CREB5: variants seen among roughly 807,000 people sequenced by gnomAD.
CREB5 encodes the protein cyclic AMP-responsive element-binding protein 5.
Under a neutral mutation model 57.1 loss-of-function variants are expected in CREB5, and 19 were observed. The ratio of observed to expected loss-of-function variants is 0.33; its 90% CI spans 0.23 to 0.49. The LOEUF (loss-of-function observed/expected upper bound fraction) is 0.49, where lower values mean the gene tolerates loss of function less well. CREB5 is among the 20% of genes least tolerant of loss of function. The pLI is 0.99. For missense variants in CREB5, 579 were observed against 671.6 expected, an observed-to-expected ratio of 0.86 and a Z score of 1.52; for synonymous variants, 238 against 238.3, an observed-to-expected ratio of 1.00 and a Z score of 0.01.
rs908227747 is a variant in CREB5 at position 28,812,104 on chromosome 7, A to G, written c.1254+2690A>G. Among the ~76,000 whole-genome samples the G allele has an allele frequency of 7.2e-5, 11 of 152,212 alleles. No individual in the cohort carries two copies. The South Asian group carries it at 1.0e-3, about 14-fold the overall frequency. On this transcript the variant is annotated intron_variant, in intron 9 of 10. Transcript: ENST00000357727. The stretch of plus-strand genomic sequence containing the variant: ...CCAAAGAGTCTCCAGACATTGCCAA[A>G]TGTCCCCTGGTGGTGGTTGGGAAGG...
chr7:28,306,755 G>T (rs1258102832), intron 1 of CREB5, among the ~76,000 whole-genome samples: 2 of 151,962 alleles, frequency 1.3e-5, no homozygotes, highest in Non-Finnish European at 2.9e-5. Flanking sequence ...TAGAGACGGG[G>T]TTTCACCGTG....
intron 1 of CREB5, among the ~76,000 whole-genome samples, chr7:28,414,804 A>G (rs1345284053): frequency 4.6e-5 from 7 of 152,062 alleles, no homozygotes; most frequent in Non-Finnish European, 8.8e-5. Flanking sequence ...TTATAAAAAG[A>G]GAGAAGCCTT....
rs1809690756 is a variant in CREB5, at chr7:28,820,376, A to G, written c.*1097A>G. 1 of 152,374 alleles carries G rather than the reference A, an allele frequency of 6.6e-6. No homozygotes were observed. The highest frequency in any genetic ancestry group is 1.5e-5 in the Non-Finnish European group (1 of 68,004). The allele number at this position is 152,374 out of a possible 1,614,324, so 9.4% of individuals were successfully genotyped here. On this transcript the variant is annotated 3_prime_UTR_variant, in exon 11 of 11. Coordinates refer to ENST00000357727, the MANE Select transcript of CREB5 (RefSeq NM_182898.4). ...AAGGGCTCTATTCACTACACAGATT[A>G]CATTGTTCAATCATCAGCTGCTAAT...
chr7:28,531,452 G>C (rs535132704), intron 4 of CREB5, among the ~76,000 whole-genome samples: 1 of 152,218 alleles, frequency 6.6e-6, no homozygotes, highest in Admixed American at 6.5e-5. Context: ...CATCCTGTGT[G>C]TGTCTGTGTC....
chr7:28,363,690 G>A (rs970683684), intron 1 of CREB5, among the ~76,000 whole-genome samples: 3 of 152,168 alleles, frequency 2.0e-5, no homozygotes, highest in Non-Finnish European at 2.9e-5. Context: ...ACATAGAGTA[G>A]CACTGTGCCA....
At chr7:28,321,501 A>G (rs1485332330) in intron 1 of CREB5, among the ~76,000 whole-genome samples, 4 of 152,174 alleles carry the variant, frequency 2.6e-5, no homozygotes, top group Non-Finnish European at 4.4e-5. Context: ...TCAGGCACGT[A>G]TATTCTCTGG....
chr7:28,794,246 A>G (rs1807896535), intron 7 of CREB5, among the ~76,000 whole-genome samples: 1 of 152,212 alleles, frequency 6.6e-6, no homozygotes, highest in South Asian at 2.1e-4. Flanking sequence ...ACCTAAAGTT[A>G]CCCAGGTTTG....
intron 5 of CREB5, among the ~76,000 whole-genome samples, chr7:28,638,298 C>CACACACGA (rs1798509531): frequency 7.3e-5 from 11 of 149,730 alleles, no homozygotes; most frequent in Non-Finnish European, 3.0e-5. Context: ...CACACACGAA[C>CACACACGA]ACACACACAC....
intron 5 of CREB5, among the ~76,000 whole-genome samples, chr7:28,578,380 T>C (rs889350423): frequency 6.6e-6 from 1 of 152,306 alleles, no homozygotes; most frequent in South Asian, 2.1e-4. Context: ...TAACCATTTA[T>C]TGAAGAATAT....
At chr7:28,688,826 C>G (rs959144261) in intron 5 of CREB5, among the ~76,000 whole-genome samples, 8 of 152,132 alleles carry the variant, frequency 5.3e-5, no homozygotes, top group African/African-American at 1.9e-4. Context: ...CAAGTGTATG[C>G]TTGGGACTCT....
At chr7:28,785,630 A>T (rs1437305387) in intron 7 of CREB5, among the ~76,000 whole-genome samples, 1 of 152,196 alleles carries the variant, frequency 6.6e-6, no homozygotes, top group Non-Finnish European at 1.5e-5. Context: ...ATGTTTGATT[A>T]TATTCTTATA....
At chr7:28,374,016 T>TACC (rs1333183878) in intron 1 of CREB5, among the ~76,000 whole-genome samples, 2 of 152,120 alleles carry the variant, frequency 1.3e-5, no homozygotes, top group Non-Finnish European at 2.9e-5. Context: ...TTACCAAGGT[T>TACC]ACCACTGGTC....
At chr7:28,734,206 C>CAAAAAAA (rs61403862) in intron 7 of CREB5, among the ~76,000 whole-genome samples, 7 of 96,414 alleles carry the variant, frequency 7.3e-5, no homozygotes, top group East Asian at 4.1e-4. Context: ...TTCAGTAGTT[C>CAAAAAAA]AAAAAAAAAA....
chr7:28,422,829 C>T (rs1019335293), intron 1 of CREB5, among the ~76,000 whole-genome samples: 1 of 152,154 alleles, frequency 6.6e-6, no homozygotes, highest in Non-Finnish European at 1.5e-5. Flanking sequence ...GAGTAACTGC[C>T]TGTTTGCCCA....
At chr7:28,304,825 G>A (rs1785156347) in intron 1 of CREB5, among the ~76,000 whole-genome samples, 1 of 152,188 alleles carries the variant, frequency 6.6e-6, no homozygotes, top group East Asian at 1.9e-4. Context: ...CTGTAGGACA[G>A]AAAATAGTGT....
At chr7:28,472,931 C>T (rs576033390) in intron 1 of CREB5, among the ~76,000 whole-genome samples, 2 of 152,314 alleles carry the variant, frequency 1.3e-5, no homozygotes, top group South Asian at 4.1e-4. Context: ...GTCCCTCAGA[C>T]ATGCCAAGCT....
At chr7:28,558,376 A>G (rs1253954651) in intron 4 of CREB5, among the ~76,000 whole-genome samples, 4 of 152,240 alleles carry the variant, frequency 2.6e-5, no homozygotes, top group African/African-American at 9.6e-5. Flanking sequence ...TACATTTGCA[A>G]GTACTAGACA....
intron 1 of CREB5, among the ~76,000 whole-genome samples, chr7:28,439,727 A>G (rs1476044026): frequency 6.6e-6 from 1 of 152,208 alleles, no homozygotes; most frequent in African/African-American, 2.4e-5. Context: ...AGGTGAAGGA[A>G]GCTATTCCCA....
At chr7:28,606,654 T>C (rs755317231) in intron 5 of CREB5, among the ~76,000 whole-genome samples, 22 of 152,198 alleles carry the variant, frequency 1.4e-4, no homozygotes, top group Admixed American at 2.6e-4. Context: ...TTTCCTCTTT[T>C]CTTTTTAATT....
Sources: allele counts gnomAD v4.1 joint callset (sites outside exome capture counted in the v4.1 genomes callset), GRCh38; gene constraint gnomAD v4.1.1; transcripts MANE v1.5; gene names NCBI Gene and HGNC (gene_info 2026-07-23, HGNC 2026-07-21).